GLIPR1L2: variants seen among roughly 807,000 people sequenced by gnomAD.
The protein encoded by GLIPR1L2 is GLIPR1 like 2.
In GLIPR1L2, 21 loss-of-function variants were observed where a neutral mutation model predicts 28.4. The observed-to-expected ratio is 0.74, with a 90% CI of 0.52 to 1.06. The LOEUF (loss-of-function observed/expected upper bound fraction) is 1.06, where lower values mean the gene tolerates loss of function less well. GLIPR1L2 is among the 50% of genes least tolerant of loss of function. GLIPR1L2 has a pLI of 0.00. For missense variants in GLIPR1L2, 476 were observed against 416.9 expected (o/e 1.14, Z -1.23); for synonymous variants, 145 against 139.3 (o/e 1.04, Z -0.29).
At chr12:75,429,392 A>G (rs2046067865) in intron 4 of GLIPR1L2, among the ~76,000 whole-genome samples, 2 of 152,180 alleles carry the variant, frequency 1.3e-5, no homozygotes, top group African/African-American at 4.8e-5. Context: ...GAATGGGAGC[A>G]TTTACCCAAT....
At chr12:75,397,881 T>G (rs1593998539) in intron 1 of GLIPR1L2, among the ~76,000 whole-genome samples, 1 of 152,190 alleles carries the variant, frequency 6.6e-6, no homozygotes, top group South Asian at 2.1e-4. Flanking sequence ...GGCTACATCT[T>G]CTTCCTATAT....
At chr12:75,428,258 T>C (rs1290322740) in intron 4 of GLIPR1L2, among the ~76,000 whole-genome samples, 1 of 152,218 alleles carries the variant, frequency 6.6e-6, no homozygotes, top group Non-Finnish European at 1.5e-5. Flanking sequence ...ATTCTTGCTA[T>C]GCTTTAGCAA....
At chr12:75,424,587 G>A (rs1172325461) in intron 4 of GLIPR1L2, among the ~76,000 whole-genome samples, 3 of 151,124 alleles carry the variant, frequency 2.0e-5, no homozygotes, top group South Asian at 2.1e-4. Flanking sequence ...CTAATACTAC[G>A]GACAGGTGCC....
In GLIPR1L2 at chr12:75,392,042, A is replaced by G. The variant is rs578093788; in HGVS notation, c.234+692A>G. Among the ~76,000 whole-genome samples the G allele has an allele frequency of 2.6e-5, 4 of 152,184 alleles. No individual in the cohort carries two copies. The East Asian group carries it at 5.8e-4, about 22-fold the overall frequency. ...ACAACTCAACTATTCCCTGGTTGCT[A>G]TTGAGTTTTCCTGACTGTCATTAAA... On this transcript the variant is annotated intron_variant, in intron 1 of 5. Coordinates refer to ENST00000550916, the MANE Select transcript of GLIPR1L2 (RefSeq NM_001270396.2).
At chr12:75,412,258 A>T (rs920305948) in intron 2 of GLIPR1L2, among the ~76,000 whole-genome samples, 2 of 152,132 alleles carry the variant, frequency 1.3e-5, no homozygotes, top group Admixed American at 6.6e-5. Context: ...AAATTGATTC[A>T]TCAGGCATGA....
rs2046084143 is a variant in GLIPR1L2, at chr12:75,430,828, C to T, written c.702C>T (p.Tyr234=). 1 of 1,533,232 alleles carries T rather than the reference C, an allele frequency of 6.5e-7. No individual in the cohort carries two copies. The highest frequency in any genetic ancestry group is 1.4e-5 in the African/African-American group (1 of 72,972). The allele number at this position is 1,533,232 out of a possible 1,614,324, so 95.0% of individuals were successfully genotyped here. A position where few individuals can be genotyped will look rare whatever the true frequency, so the allele number is the denominator to read the frequency against. The change falls in exon 6 of 6, where the codon TAC becomes TAT. Residue 234 remains tyrosine, a synonymous_variant. Transcript: ENST00000550916. Reference sequence around the variant, plus strand: ...CAATTGCTTCTTTGTTTACAGATTACCGATTTTGGTATCCAAAATGGGAAA... The same window carrying T: ...CAATTGCTTCTTTGTTTACAGATTATCGATTTTGGTATCCAAAATGGGAAA... The part of the protein sequence containing the change: ...SNADRDQATY[Y]RFWYPKWEMP...
At chr12:75,402,954 A>G (rs879240323) in intron 1 of GLIPR1L2, 57 of 456,202 alleles carry the variant, frequency 1.2e-4, no homozygotes, top group South Asian at 8.5e-4. Context: ...ACCTACCACA[A>G]TAGCCCTAAA....
chr12:75,397,814 G>A (rs1277388451), intron 1 of GLIPR1L2, among the ~76,000 whole-genome samples: 2 of 151,990 alleles, frequency 1.3e-5, no homozygotes, highest in East Asian at 3.9e-4. Flanking sequence ...GAAGAAGTCG[G>A]CATCCTGATT....
rs1221285949 is a variant in GLIPR1L2, at chr12:75,391,247, T to G, written c.131T>G (p.Phe44Cys). The change falls in exon 1 of 6, where the codon TTT (phenylalanine) becomes TGT (cysteine). Residue 44 changes from phenylalanine (F) to cysteine (C), a missense_variant. Transcript: ENST00000550916. Reference protein sequence around the residue: ...LLLGSSLNARFLPDEEDVDFI... With the variant: ...LLLGSSLNARCLPDEEDVDFI... ...CTGGGTTCTAGTTTGAACGCCAGAT[T>G]TTTGCCAGACGAGGAGGACGTAGAC... The G allele has an allele frequency of 6.2e-7, 1 of 1,614,176 alleles. No homozygotes were observed. The highest frequency in any genetic ancestry group is 1.1e-5 in the South Asian group (1 of 91,082).
At chr12:75,413,364 A>T (rs561588693) in intron 2 of GLIPR1L2, among the ~76,000 whole-genome samples, 52 of 149,594 alleles carry the variant, frequency 3.5e-4, no homozygotes, top group Middle Eastern at 3.4e-3. Flanking sequence ...AATAAAATTA[A>T]AAAAAAAAGA....
At position 75,410,611 on chromosome 12, in the gene GLIPR1L2, C is replaced by A. The variant is rs530006793; in HGVS notation, c.412C>A (p.His138Asn). 3 of 1,611,698 alleles carry A rather than the reference C, an allele frequency of 1.9e-6. No individual in the cohort carries two copies. In the Admixed American group the frequency reaches 5.0e-5, roughly 27 times the overall value. Reference sequence around the variant, plus strand: ...TGCAAGTATTGCTATCAGAAGTTGGCATGCAGAGAAGAAAATGTACAATTT... The same window carrying A: ...TGCAAGTATTGCTATCAGAAGTTGGAATGCAGAGAAGAAAATGTACAATTT... ...FTASIAIRSWHAEKKMYNFEN... is the reference protein window; with the variant it reads ...FTASIAIRSWNAEKKMYNFEN... Residue 138 changes from histidine to asparagine, a missense_variant, in exon 2 of 6, where the codon CAT becomes AAT. Transcript: ENST00000550916.
intron 1 of GLIPR1L2, among the ~76,000 whole-genome samples, chr12:75,395,357 G>A (rs989097388): frequency 1.3e-5 from 2 of 151,846 alleles, no homozygotes; most frequent in African/African-American, 4.8e-5. Flanking sequence ...TCAGGTTTTT[G>A]TTGAAGATTT....
At chr12:75,407,161 C>T (rs1428100272) in intron 1 of GLIPR1L2, among the ~76,000 whole-genome samples, 1 of 152,080 alleles carries the variant, frequency 6.6e-6, no homozygotes, top group African/African-American at 2.4e-5. Context: ...CCCCCTCATC[C>T]TACTCCATGG....
chr12:75,414,584 C>G (rs987917966), intron 3 of GLIPR1L2, among the ~76,000 whole-genome samples: 2 of 152,052 alleles, frequency 1.3e-5, no homozygotes, highest in Admixed American at 1.3e-4. Flanking sequence ...GATGAGAAGT[C>G]TTGCTAACTT....
intron 3 of GLIPR1L2, among the ~76,000 whole-genome samples, chr12:75,414,062 T>C (rs2045900164): frequency 6.6e-6 from 1 of 152,040 alleles, no homozygotes; most frequent in Non-Finnish European, 1.5e-5. Context: ...GTTTCATGAA[T>C]ATGTCAGTTT....
intron 4 of GLIPR1L2, among the ~76,000 whole-genome samples, chr12:75,429,914 C>G (rs142533350): frequency 3.2e-5 from 3 of 94,620 alleles, no homozygotes; most frequent in African/African-American, 1.1e-4. Flanking sequence ...TCAATTAAAC[C>G]TTTTCTTTTC....
Position 75,431,304 on chromosome 12 carries a change from C to A in GLIPR1L2, c.*143C>A, listed in dbSNP as rs2046091316. Reference sequence around the variant, plus strand: ...AACCACCATTGGAATGTTTTTTATTCCCTTCTCTCCTATACTTATTCAATC... The same window carrying A: ...AACCACCATTGGAATGTTTTTTATTACCTTCTCTCCTATACTTATTCAATC... On this transcript the variant is annotated 3_prime_UTR_variant, in exon 6 of 6. Transcript: ENST00000550916. 1.7e-6 allele frequency: 1 copy of A among 578,580 alleles called. No homozygotes were observed. The highest frequency in any genetic ancestry group is 2.3e-5 in the South Asian group (1 of 43,194). The allele number at this position is 578,580 out of a possible 1,614,324, so 35.8% of individuals were successfully genotyped here. A position where few individuals can be genotyped will look rare whatever the true frequency, so the allele number is the denominator to read the frequency against.
intron 4 of GLIPR1L2, among the ~76,000 whole-genome samples, chr12:75,425,416 A>G (rs978398597): frequency 6.6e-6 from 1 of 152,114 alleles, no homozygotes; most frequent in Non-Finnish European, 1.5e-5. Context: ...TAGGTGAGGA[A>G]AGTTTTAATG....
intron 3 of GLIPR1L2, among the ~76,000 whole-genome samples, chr12:75,422,139 C>T (rs1408187374): frequency 6.8e-6 from 1 of 147,544 alleles, no homozygotes; most frequent in African/African-American, 2.5e-5. Flanking sequence ...TACAGGCACG[C>T]ACCATGCCCG....
Sources: allele counts gnomAD v4.1 joint callset (sites outside exome capture counted in the v4.1 genomes callset), GRCh38; gene constraint gnomAD v4.1.1; transcripts MANE v1.5; gene names NCBI Gene and HGNC (gene_info 2026-07-23, HGNC 2026-07-21).